Variants in ZNF469 observed in about 807,000 individuals in gnomAD.
ZNF469 encodes zinc finger protein 469.
Under a neutral mutation model 1.0 loss-of-function variants are expected in ZNF469, and 1 was observed. The ratio of observed to expected loss-of-function variants is 1.00; its 90% CI spans 0.35 to 4.73. The LOEUF (loss-of-function observed/expected upper bound fraction) is 4.73. Among genes scored for constraint, ZNF469 ranks in the 30% most tolerant of loss-of-function variants. The pLI, the probability that ZNF469 is intolerant of heterozygous loss-of-function variation, is 0.16. For synonymous variants in ZNF469, 2,703 were observed against 2,363.4 expected, an observed-to-expected ratio of 1.14 and a Z score of -4.17; for missense variants, 6,100 against 5,356.3, an observed-to-expected ratio of 1.14 and a Z score of -4.33.
chr16:88,353,153 C>A, the ZNF469 span, among the ~76,000 whole-genome samples: 3 of 152,304 alleles, frequency 2.0e-5, no homozygotes, highest in African/African-American at 7.2e-5. Flanking sequence ...GGTCGCCTAA[C>A]AGTCCTGCGG....
chr16:88,203,316 C>T, the ZNF469 span, among the ~76,000 whole-genome samples: 4 of 152,154 alleles, frequency 2.6e-5, no homozygotes, highest in Non-Finnish European at 5.9e-5. Context: ...GGTTACTCAT[C>T]CGCCCGCTCT....
the ZNF469 span, among the ~76,000 whole-genome samples, chr16:88,208,295 A>C: frequency 6.6e-6 from 1 of 151,620 alleles, no homozygotes; most frequent in East Asian, 2.0e-4. Flanking sequence ...TGCGTGCTGC[A>C]ATCTGGCGCT....
the ZNF469 span, among the ~76,000 whole-genome samples, chr16:88,374,781 G>A: frequency 6.8e-6 from 1 of 147,846 alleles, no homozygotes; most frequent in Non-Finnish European, 1.5e-5. Flanking sequence ...TATGCCAAGT[G>A]GGCTGAGATC....
rs549874193 is a variant in ZNF469, at chr16:88,438,634, G to T, written c.11164G>T (p.Ala3722Ser). ...TGGCACAGAGAATGGGATGAAGCCC[G>T]CCACCCCCAAAGCCAAACCCGGCCC... ...ARGTENGMKP[A>S]TPKAKPGPSS... The change falls in exon 3 of 3, where the codon GCC becomes TCC. Residue 3722 changes from alanine (A) to serine (S), a missense_variant. Coordinates refer to ENST00000565624, the MANE Select transcript of ZNF469 (RefSeq NM_001367624.2). The T allele has an allele frequency of 5.8e-6, 9 of 1,550,022 alleles. No homozygotes were observed. The South Asian group carries it at 9.5e-5, about 16-fold the overall frequency.
At chr16:88,116,867 A>T in the ZNF469 span, among the ~76,000 whole-genome samples, 7 of 151,890 alleles carry the variant, frequency 4.6e-5, no homozygotes, top group Non-Finnish European at 1.0e-4. Flanking sequence ...GCAGCCTGTG[A>T]TGAGGGGAAT....
At chr16:88,119,281 A>G in the ZNF469 span, among the ~76,000 whole-genome samples, 1,610 of 152,286 alleles carry the variant, frequency 0.011, 29 homozygotes, top group African/African-American at 0.036. Context: ...ATGATCTCCT[A>G]CAGGTTTATC....
chr16:88,206,056 C>T, the ZNF469 span, among the ~76,000 whole-genome samples: 546 of 152,256 alleles, frequency 3.6e-3, 8 homozygotes, highest in African/African-American at 0.012. Flanking sequence ...GGAGAGACGC[C>T]GTTCCTGGTG....
At chr16:88,359,535 G>A in the ZNF469 span, among the ~76,000 whole-genome samples, 14 of 152,312 alleles carry the variant, frequency 9.2e-5, no homozygotes, top group Non-Finnish European at 1.3e-4. Flanking sequence ...AAGATGTTGC[G>A]AACTTTCTTA....
At chr16:88,159,025 C>T in the ZNF469 span, among the ~76,000 whole-genome samples, 12 of 108,586 alleles carry the variant, frequency 1.1e-4, no homozygotes, top group East Asian at 5.0e-4. Flanking sequence ...TTGTGGCCTA[C>T]GAGGTGATGT....
the ZNF469 span, among the ~76,000 whole-genome samples, chr16:88,344,715 G>A: frequency 6.6e-6 from 1 of 152,240 alleles, no homozygotes; most frequent in Non-Finnish European, 1.5e-5. Context: ...TATGGCCATG[G>A]TGGACCCAGG....
At chr16:88,159,201 G>C in the ZNF469 span, among the ~76,000 whole-genome samples, 1 of 41,958 alleles carries the variant, frequency 2.4e-5, no homozygotes, top group Non-Finnish European at 7.1e-5. Flanking sequence ...ATGCTCACAG[G>C]GCCGTGCGGA....
chr16:88,323,792 G>A, the ZNF469 span, among the ~76,000 whole-genome samples: 1 of 152,198 alleles, frequency 6.6e-6, no homozygotes, highest in Non-Finnish European at 1.5e-5. Flanking sequence ...GCACATGCCA[G>A]ACCGCAGCTG....
the ZNF469 span, among the ~76,000 whole-genome samples, chr16:88,132,424 C>T: frequency 9.2e-5 from 14 of 152,326 alleles, no homozygotes; most frequent in African/African-American, 2.6e-4. Context: ...GCCGCGTAGC[C>T]GGCGGGGCTG....
chr16:88,302,112 TCG>T, the ZNF469 span, among the ~76,000 whole-genome samples: 1 of 152,276 alleles, frequency 6.6e-6, no homozygotes, highest in East Asian at 1.9e-4. Context: ...AGCTGGGCTC[TCG>T]GTCAGGACAG....
chr16:88,117,378 A>C, the ZNF469 span, among the ~76,000 whole-genome samples: 2 of 152,212 alleles, frequency 1.3e-5, no homozygotes, highest in Non-Finnish European at 2.9e-5. Flanking sequence ...CAAAAATAAA[A>C]GTTTTTTTAC....
intron 1 of ZNF469, among the ~76,000 whole-genome samples, chr16:88,402,118 G>GATGGGTAGATGGATGGGTGAATGC (rs1904899860): frequency 3.3e-5 from 5 of 151,916 alleles, no homozygotes; most frequent in Non-Finnish European, 7.4e-5. Context: ...TACATGGGTG[G>GATGGGTAGATGGATGGGTGAATGC]ATGGGTAGAT....
the ZNF469 span, among the ~76,000 whole-genome samples, chr16:88,134,354 G>A: frequency 6.6e-6 from 1 of 152,234 alleles, no homozygotes; most frequent in East Asian, 1.9e-4. Context: ...CACGTGCTGT[G>A]TGCTGGAACC....
the ZNF469 span, among the ~76,000 whole-genome samples, chr16:88,331,462 CACT>C: frequency 3.3e-5 from 5 of 151,670 alleles, no homozygotes; most frequent in African/African-American, 1.2e-4. Context: ...CCACCATCAT[CACT>C]ACCACCATCA....
At chr16:88,121,273 C>G in the ZNF469 span, among the ~76,000 whole-genome samples, 1 of 151,590 alleles carries the variant, frequency 6.6e-6, no homozygotes. Context: ...GCTCTCCTTA[C>G]ACTGACTTTG....
Sources: gnomAD v4.1 joint callset for allele counts (sites outside exome capture counted in the v4.1 genomes callset) on GRCh38, gnomAD v4.1.1 for gene constraint, MANE v1.5 for transcripts, NCBI Gene and HGNC (gene_info 2026-07-23, HGNC 2026-07-21) for gene names.